GRIP1: variants seen among roughly 807,000 people sequenced by gnomAD.
GRIP1 encodes glutamate receptor-interacting protein 1.
Under a neutral mutation model 129.9 loss-of-function variants are expected in GRIP1, and 45 were observed. The observed-to-expected ratio is 0.35, with a 90% CI of 0.27 to 0.44. The LOEUF is 0.44. Ranked by LOEUF, GRIP1 falls within the 20% of genes least tolerant of loss-of-function variation. The pLI, the probability that GRIP1 is intolerant of heterozygous loss-of-function variation, is 1.00. For missense variants in GRIP1, 1,196 were observed against 1,396.8 expected (o/e 0.86, Z 2.29); for synonymous variants, 530 against 520.8 (o/e 1.02, Z -0.24).
intron 1 of GRIP1, among the ~76,000 whole-genome samples, chr12:67,028,717 C>G (rs1204906837): frequency 2.0e-5 from 3 of 152,134 alleles, no homozygotes; most frequent in Non-Finnish European, 4.4e-5. Context: ...ATCTCAAAAT[C>G]AGACAGCAAG....
At chr12:66,373,248 C>A (rs1322909309) in intron 22 of GRIP1, among the ~76,000 whole-genome samples, 1 of 152,130 alleles carries the variant, frequency 6.6e-6, no homozygotes, top group Non-Finnish European at 1.5e-5. Flanking sequence ...CGCCACCATG[C>A]TTGGCTAATT....
At chr12:66,637,709 A>G (rs1209416290) in intron 1 of GRIP1, among the ~76,000 whole-genome samples, 2 of 152,146 alleles carry the variant, frequency 1.3e-5, no homozygotes, top group African/African-American at 2.4e-5. Flanking sequence ...AGAATCCTCT[A>G]CTGATCTCCC....
At chr12:66,882,210 CAAA>C (rs59374332) in intron 1 of GRIP1, among the ~76,000 whole-genome samples, 25,529 of 129,256 alleles carry the variant, frequency 0.2, 2,090 homozygotes, top group East Asian at 0.29. Context: ...TGTGCCATCA[CAAA>C]AAAAAAAAAA....
chr12:67,028,860 T>G lies in GRIP1; in HGVS notation c.58+40190A>C, dbSNP rs186759392. 2.5e-3 allele frequency among the ~76,000 whole-genome samples: 388 copies of G among 152,300 alleles called. 3 individuals carry two copies. The highest frequency in any genetic ancestry group is 0.012 in the South Asian group (57 of 4,814). The stretch of plus-strand genomic sequence containing the variant: ...AGTCAAGAGCATTTGTGGAGAACAC[T>G]GGTTATAAAATTTCTCAAATTTTTA... On this transcript the variant is annotated intron_variant, in intron 1 of 1. Coordinates refer to the GRIP1 transcript ENST00000643019.
intron 1 of GRIP1, among the ~76,000 whole-genome samples, chr12:66,698,801 A>T (rs994491678): frequency 6.6e-6 from 1 of 152,184 alleles, no homozygotes; most frequent in African/African-American, 2.4e-5. Flanking sequence ...CAATGTTACC[A>T]TAACAAACTT....
chr12:67,034,548 A>T (rs534796085), intron 1 of GRIP1, among the ~76,000 whole-genome samples: 4 of 152,092 alleles, frequency 2.6e-5, no homozygotes, highest in African/African-American at 9.6e-5. Flanking sequence ...TATAAAAGAT[A>T]AAAAAAATGG....
At chr12:66,717,467 C>A (rs905353979) in intron 1 of GRIP1, among the ~76,000 whole-genome samples, 2 of 151,810 alleles carry the variant, frequency 1.3e-5, no homozygotes, top group Non-Finnish European at 2.9e-5. Context: ...GTCACCATAG[C>A]TTTGCAAAGG....
chr12:66,624,513 A>C (rs2065404511), intron 1 of GRIP1, among the ~76,000 whole-genome samples: 1 of 152,146 alleles, frequency 6.6e-6, no homozygotes, highest in Non-Finnish European at 1.5e-5. Flanking sequence ...AATAAATATA[A>C]TTTATTGATT....
intron 1 of GRIP1, among the ~76,000 whole-genome samples, chr12:66,665,459 T>C (rs1194907221): frequency 6.6e-6 from 1 of 152,154 alleles, no homozygotes; most frequent in Non-Finnish European, 1.5e-5. Context: ...CATAAGTGTG[T>C]GTGTCCTCCC....
At chr12:66,991,454 C>T (rs539825116) in intron 1 of GRIP1, among the ~76,000 whole-genome samples, 6 of 152,204 alleles carry the variant, frequency 3.9e-5, no homozygotes, top group Admixed American at 2.0e-4. Context: ...AATATTTCTT[C>T]CCTATAGCTG....
chr12:66,688,943 C>T (rs928148716), intron 1 of GRIP1, among the ~76,000 whole-genome samples: 2 of 152,174 alleles, frequency 1.3e-5, no homozygotes, highest in South Asian at 2.1e-4. Context: ...TTCCTCTCAT[C>T]AGGCACCTTC....
intron 1 of GRIP1, among the ~76,000 whole-genome samples, chr12:66,613,616 A>G (rs867661078): frequency 3.3e-5 from 5 of 152,180 alleles, no homozygotes; most frequent in Non-Finnish European, 7.3e-5. Context: ...GAAAAAAAAG[A>G]ACTTTCCGAT....
At chr12:66,730,701 CA>C (rs3051132) in intron 1 of GRIP1, among the ~76,000 whole-genome samples, 1,535 of 71,138 alleles carry the variant, frequency 0.022, 10 homozygotes, top group Middle Eastern at 0.036. Context: ...GGGTCATCTA[CA>C]AAAAAAAAAA....
intron 1 of GRIP1, among the ~76,000 whole-genome samples, chr12:66,664,181 G>T (rs2033668034): frequency 6.6e-6 from 1 of 151,914 alleles, no homozygotes; most frequent in Admixed American, 6.6e-5. Context: ...ATCTAGCAGG[G>T]TTAGTTTTAT....
At chr12:66,454,481 G>A (rs1444963008) in intron 11 of GRIP1, among the ~76,000 whole-genome samples, 2 of 152,184 alleles carry the variant, frequency 1.3e-5, no homozygotes, top group African/African-American at 4.8e-5. Context: ...TAGTTAGAAA[G>A]GTCAGTGTTC....
At chr12:66,700,508 C>T (rs1162629628) in intron 1 of GRIP1, among the ~76,000 whole-genome samples, 1 of 151,450 alleles carries the variant, frequency 6.6e-6, no homozygotes, top group African/African-American at 2.4e-5. Context: ...TAGTCACAGG[C>T]ATCATCACAG....
intron 1 of GRIP1, among the ~76,000 whole-genome samples, chr12:66,686,529 T>C (rs1159663051): frequency 7.2e-5 from 11 of 152,232 alleles, no homozygotes; most frequent in Admixed American, 5.2e-4. Flanking sequence ...CCATCTTCAA[T>C]AGGGCTTTGT....
chr12:66,631,902 G>A (rs1299196858), intron 1 of GRIP1, among the ~76,000 whole-genome samples: 3 of 152,152 alleles, frequency 2.0e-5, no homozygotes, highest in Middle Eastern at 3.2e-3. Context: ...TTTAAGTATC[G>A]TATAACCCTA....
In GRIP1 at chr12:66,372,118, A is replaced by G. The variant is rs1038242103; in HGVS notation, c.2779-191T>C. 7 of 630,468 alleles carry G rather than the reference A, an allele frequency of 1.1e-5. No homozygotes were observed. In the African/African-American group the frequency reaches 1.3e-4, roughly 11 times the overall value. The allele number at this position is 630,468 out of a possible 1,614,324, so 39.1% of individuals were successfully genotyped here. A position where few individuals can be genotyped will look rare whatever the true frequency, so the allele number is the denominator to read the frequency against. ...AAAATGCTTTGCAAGTGACATTTATAATGCACATCTCAAATCCAATTTAAG... is the reference window on the plus strand; with the variant it reads ...AAAATGCTTTGCAAGTGACATTTATGATGCACATCTCAAATCCAATTTAAG... On this transcript the variant is annotated intron_variant, in intron 22 of 24. Coordinates refer to ENST00000359742, the MANE Select transcript of GRIP1 (RefSeq NM_001366722.1).
Sources: allele counts gnomAD v4.1 joint callset (sites outside exome capture counted in the v4.1 genomes callset), GRCh38; gene constraint gnomAD v4.1.1; transcripts MANE v1.5; gene names NCBI Gene and HGNC (gene_info 2026-07-23, HGNC 2026-07-21).